Variants in ERBIN observed in about 807,000 individuals in gnomAD.
ERBIN encodes densin-180-like protein.
In ERBIN, 60 loss-of-function variants were observed where a neutral mutation model predicts 158.4. The observed-to-expected ratio is 0.38, with a 90% CI of 0.31 to 0.47. The LOEUF (loss-of-function observed/expected upper bound fraction) is 0.47. Ranked by LOEUF, ERBIN falls within the 20% of genes least tolerant of loss-of-function variation. ERBIN has a pLI of 0.99. For missense variants in ERBIN, 1,610 were observed against 1,648.0 expected, an observed-to-expected ratio of 0.98 and a Z score of 0.40; for synonymous variants, 594 against 557.2, an observed-to-expected ratio of 1.07 and a Z score of -0.93.
intron 4 of ERBIN, among the ~76,000 whole-genome samples, chr5:66,006,810 C>T (rs1333823993): frequency 3.3e-5 from 5 of 152,034 alleles, no homozygotes; most frequent in African/African-American, 1.2e-4. Flanking sequence ...CACTGGCCAT[C>T]AGAGAAATGC....
intron 15 of ERBIN, among the ~76,000 whole-genome samples, chr5:66,040,528 T>C (rs927068437): frequency 6.6e-6 from 1 of 151,918 alleles, no homozygotes; most frequent in African/African-American, 2.4e-5. Context: ...GTATCAATTA[T>C]GATATTCTGG....
At chr5:65,934,740 G>A (rs575022387) in intron 1 of ERBIN, among the ~76,000 whole-genome samples, 122 of 152,196 alleles carry the variant, frequency 8.0e-4, no homozygotes, top group Non-Finnish European at 1.4e-3. Context: ...TTTGCGGTAG[G>A]TGCTTTGAAA....
At chr5:66,068,043 T>C (rs143606482) in intron 21 of ERBIN, among the ~76,000 whole-genome samples, 107 of 152,246 alleles carry the variant, frequency 7.0e-4, no homozygotes, top group African/African-American at 2.2e-3. Flanking sequence ...GAAATTGAAA[T>C]GTGGTCCGGC....
intron 15 of ERBIN, among the ~76,000 whole-genome samples, chr5:66,040,171 A>G (rs1056547621): frequency 5.3e-5 from 8 of 151,886 alleles, no homozygotes; most frequent in East Asian, 1.9e-4. Context: ...AATAGATGCT[A>G]TTATCATTAG....
chr5:65,941,962 G>A (rs145705068), intron 1 of ERBIN, among the ~76,000 whole-genome samples: 87 of 152,216 alleles, frequency 5.7e-4, no homozygotes, highest in African/African-American at 2.1e-3. Flanking sequence ...GGATGGTCTC[G>A]ATCTCCTGAC....
intron 8 of ERBIN, among the ~76,000 whole-genome samples, chr5:66,022,050 A>G (rs1039591871): frequency 2.6e-5 from 4 of 151,720 alleles, no homozygotes; most frequent in African/African-American, 9.7e-5. Flanking sequence ...TTTGTTGTTT[A>G]AAAGTGTGGT....
intron 1 of ERBIN, among the ~76,000 whole-genome samples, chr5:65,983,936 G>T (rs567788424): frequency 6.6e-6 from 1 of 152,166 alleles, no homozygotes; most frequent in Non-Finnish European, 1.5e-5. Context: ...TATGAACCTA[G>T]CATCACAGTG....
intron 12 of ERBIN, 48 bp from the exon 13 acceptor site, chr5:66,026,254 A>G: frequency 8.0e-7 from 1 of 1,250,524 alleles, no homozygotes; most frequent in African/African-American, 1.6e-5. Flanking sequence ...TATGTTGATC[A>G]ACCTGTAGGC....
chr5:66,046,455 A>T lies in ERBIN; in HGVS notation c.1705A>T (p.Ser569Cys). Residue 569 changes from serine (S) to cysteine (C), a missense_variant, in exon 18 of 26, where the codon AGT (serine) becomes TGT (cysteine). Transcript: ENST00000284037. ...QKISEPEAEI[S>C]PGSLPVTANM... is the part of the protein sequence containing the mutation. Reference sequence around the variant, plus strand: ...GATCAGTGAACCTGAAGCTGAGATTAGTCCTGGGAGTTTACCAGTGACTGC... The same window carrying T: ...GATCAGTGAACCTGAAGCTGAGATTTGTCCTGGGAGTTTACCAGTGACTGC... The T allele has an allele frequency of 6.2e-7, 1 of 1,612,336 alleles. No individual in the cohort carries two copies. The highest frequency in any genetic ancestry group is 8.5e-7 in the Non-Finnish European group (1 of 1,178,804).
chr5:65,950,554 A>G (rs1400388610), intron 1 of ERBIN, among the ~76,000 whole-genome samples: 1 of 152,222 alleles, frequency 6.6e-6, no homozygotes, highest in Non-Finnish European at 1.5e-5. Flanking sequence ...TCACTTGGGT[A>G]AGGTGGTGTC....
chr5:66,028,418 G>T, intron 14 of ERBIN, 75 bp downstream of exon 14: 1 of 1,147,640 alleles, frequency 8.7e-7, no homozygotes, highest in Non-Finnish European at 1.3e-6. Flanking sequence ...TTTACATAGG[G>T]TCATTTAAGA....
At chr5:66,070,846 AGTAT>A (rs1393340865) in intron 21 of ERBIN, among the ~76,000 whole-genome samples, 2 of 152,212 alleles carry the variant, frequency 1.3e-5, no homozygotes, top group African/African-American at 4.8e-5. Flanking sequence ...TGTATGCTGT[AGTAT>A]GTCATAACAA....
At chr5:65,958,613 AGGAGAGGGAGACCGTGG>A (rs1747550660) in intron 1 of ERBIN, among the ~76,000 whole-genome samples, 1 of 131,682 alleles carries the variant, frequency 7.6e-6, no homozygotes, top group African/African-American at 2.7e-5. Context: ...AGACCGTGGA[AGGAGAGGGAGACCGTGG>A]GGAGAGGGGG....
chr5:65,967,023 A>G (rs1034486122), intron 1 of ERBIN, among the ~76,000 whole-genome samples: 5 of 152,062 alleles, frequency 3.3e-5, no homozygotes, highest in Non-Finnish European at 7.4e-5. Context: ...GGTAGTCCCA[A>G]CTACTTAGGA....
intron 4 of ERBIN, among the ~76,000 whole-genome samples, chr5:65,996,405 T>G (rs1363512107): frequency 6.6e-6 from 1 of 152,144 alleles, no homozygotes; most frequent in African/African-American, 2.4e-5. Flanking sequence ...AGACTGTCCT[T>G]TACCCATTGT....
chr5:66,044,904 T>A (rs909255996), intron 17 of ERBIN, among the ~76,000 whole-genome samples: 1 of 151,690 alleles, frequency 6.6e-6, no homozygotes, highest in Non-Finnish European at 1.5e-5. Flanking sequence ...GGTGAGACTG[T>A]TTATACAGAA....
intron 2 of ERBIN, among the ~76,000 whole-genome samples, chr5:65,988,911 AGATCGAGGCTGCAGT>A (rs1561338117): frequency 7.0e-6 from 1 of 143,274 alleles, no homozygotes; most frequent in Admixed American, 7.3e-5. Flanking sequence ...TGAGCCTGGG[AGATCGAGGCTGCAGT>A]GAGCCAAGAT....
Position 65,948,835 on chromosome 5 carries a change from C to T in ERBIN, c.-58+22029C>T, listed in dbSNP as rs534910161. On this transcript the variant is annotated intron_variant, in intron 1 of 25. Transcript: ENST00000284037. ...TTGGAGTGCAGTGGCCCAATTTCAG[C>T]TCGCTGCAGCCTCCACCTCACAGGT... Among the ~76,000 whole-genome samples, 16 of 141,608 alleles carry T rather than the reference C, an allele frequency of 1.1e-4. No individual in the cohort carries two copies. The East Asian group carries it at 3.1e-3, about 27-fold the overall frequency. 92.9% of individuals were successfully genotyped at this position (141,608 alleles called of 152,430 possible). A position where few individuals can be genotyped will look rare whatever the true frequency, so the allele number is the denominator to read the frequency against.
intron 2 of ERBIN, among the ~76,000 whole-genome samples, chr5:65,989,953 T>C (rs969010938): frequency 5.9e-5 from 9 of 152,216 alleles, no homozygotes; most frequent in African/African-American, 2.2e-4. Flanking sequence ...CATAAGCACA[T>C]AGGTAAAATC....
Sources: allele counts gnomAD v4.1 joint callset (sites outside exome capture counted in the v4.1 genomes callset), GRCh38; gene constraint gnomAD v4.1.1; transcripts MANE v1.5; gene names NCBI Gene and HGNC (gene_info 2026-07-23, HGNC 2026-07-21).